Variants in WWOX observed in about 807,000 individuals in gnomAD.
WWOX encodes the protein WW domain-containing oxidoreductase.
WWOX carries 69 observed loss-of-function variants against 46.2 expected under a neutral mutation model. The observed-to-expected ratio is 1.49, with a 90% confidence interval of 1.23 to 1.82. WWOX has a LOEUF of 1.82. WWOX is among the 40% of genes most tolerant of loss of function. The pLI, the probability that WWOX is intolerant of heterozygous loss-of-function variation, is 0.00. For synonymous variants in WWOX, 359 were observed against 202.6 expected, an observed-to-expected ratio of 1.77 and a Z score of -6.56; for missense variants, 919 against 542.6, an observed-to-expected ratio of 1.69 and a Z score of -6.89.
intron 8 of WWOX, among the ~76,000 whole-genome samples, chr16:79,147,964 C>G (rs1321365134): frequency 1.3e-5 from 2 of 151,820 alleles, no homozygotes; most frequent in South Asian, 2.1e-4. Flanking sequence ...TTTATATATT[C>G]TAGTTATTGG....
intron 8 of WWOX, among the ~76,000 whole-genome samples, chr16:78,661,665 T>G (rs1262800335): frequency 6.6e-6 from 1 of 150,654 alleles, no homozygotes; most frequent in Non-Finnish European, 1.5e-5. Flanking sequence ...GGGTGGGGGC[T>G]CTGTGCATGG....
At chr16:78,431,130 G>T (rs368373027) in intron 7 of WWOX, among the ~76,000 whole-genome samples, 89 of 152,146 alleles carry the variant, frequency 5.8e-4, no homozygotes, top group African/African-American at 2.1e-3. Context: ...CTATAATGTT[G>T]TTATTTAAGA....
At chr16:78,391,584 A>T (rs893921541) in intron 6 of WWOX, among the ~76,000 whole-genome samples, 1 of 152,220 alleles carries the variant, frequency 6.6e-6, no homozygotes, top group Non-Finnish European at 1.5e-5. Flanking sequence ...ACGGTGGCTC[A>T]CACATGTAAT....
chr16:78,390,781 C>T (rs1488875049), intron 6 of WWOX, among the ~76,000 whole-genome samples: 1 of 152,106 alleles, frequency 6.6e-6, no homozygotes, highest in Non-Finnish European at 1.5e-5. Flanking sequence ...TTAAAATTTT[C>T]TTGTGTGTAA....
intron 8 of WWOX, among the ~76,000 whole-genome samples, chr16:78,963,488 A>G (rs996649142): frequency 4.6e-5 from 7 of 152,274 alleles, no homozygotes; most frequent in Admixed American, 3.3e-4. Context: ...ACAAATAAAC[A>G]AACAAAAAGC....
intron 8 of WWOX, among the ~76,000 whole-genome samples, chr16:78,491,243 C>G (rs12444091): frequency 6.6e-6 from 1 of 152,144 alleles, no homozygotes; most frequent in African/African-American, 2.4e-5. Flanking sequence ...CCCTCTCAGT[C>G]AGCTGCTACA....
At chr16:79,052,720 T>C (rs1418178659) in intron 8 of WWOX, among the ~76,000 whole-genome samples, 2 of 152,214 alleles carry the variant, frequency 1.3e-5, no homozygotes, top group Admixed American at 1.3e-4. Flanking sequence ...TCCGGTGTTC[T>C]CTCATGGCAA....
intron 8 of WWOX, among the ~76,000 whole-genome samples, chr16:78,660,869 A>G (rs1416123895): frequency 1.3e-5 from 2 of 152,154 alleles, no homozygotes; most frequent in East Asian, 1.9e-4. Context: ...TACTTTTTCC[A>G]TTTAATAGTA....
chr16:78,854,230 G>A (rs1206037070), intron 8 of WWOX, among the ~76,000 whole-genome samples: 1 of 152,110 alleles, frequency 6.6e-6, no homozygotes, highest in African/African-American at 2.4e-5. Flanking sequence ...TAATGAGCTT[G>A]TATTATAATA....
chr16:78,293,090 T>A (rs2151861690), intron 5 of WWOX, among the ~76,000 whole-genome samples: 1 of 152,304 alleles, frequency 6.6e-6, no homozygotes, highest in South Asian at 2.1e-4. Flanking sequence ...TTCGCCTCTC[T>A]ACTTAGATCA....
At chr16:78,310,433 A>G (rs569306615) in intron 5 of WWOX, among the ~76,000 whole-genome samples, 71 of 152,202 alleles carry the variant, frequency 4.7e-4, no homozygotes, top group Non-Finnish European at 8.7e-4. Context: ...ACTCCTTGGG[A>G]AGCTAATTTG....
chr16:78,145,727 C>G (rs1597264254), intron 4 of WWOX, among the ~76,000 whole-genome samples: 1 of 152,166 alleles, frequency 6.6e-6, no homozygotes, highest in African/African-American at 2.4e-5. Context: ...TCTTCGTGTT[C>G]ACATAGTCTC....
chr16:79,111,365 C>G (rs1184224519), intron 8 of WWOX, among the ~76,000 whole-genome samples: 1 of 152,198 alleles, frequency 6.6e-6, no homozygotes, highest in Non-Finnish European at 1.5e-5. Flanking sequence ...GTTCACAGGA[C>G]TTCTGGCTTT....
intron 8 of WWOX, among the ~76,000 whole-genome samples, chr16:78,544,869 T>C (rs1390614285): frequency 1.3e-5 from 2 of 151,604 alleles, no homozygotes; most frequent in Non-Finnish European, 2.9e-5. Flanking sequence ...AGTGAGACTA[T>C]CTCAAAAAAG....
intron 8 of WWOX, among the ~76,000 whole-genome samples, chr16:79,099,029 C>G (rs1175992699): frequency 6.6e-6 from 1 of 151,850 alleles, no homozygotes; most frequent in East Asian, 1.9e-4. Flanking sequence ...TGCTTTCACT[C>G]CTGGCAGAAG....
intron 8 of WWOX, among the ~76,000 whole-genome samples, chr16:78,990,621 G>A (rs1019859744): frequency 2.6e-5 from 4 of 152,226 alleles, no homozygotes; most frequent in South Asian, 4.2e-4. Flanking sequence ...GAGCGAACAG[G>A]CCAGAATGTG....
chr16:78,980,735 C>G (rs570571154), intron 8 of WWOX, among the ~76,000 whole-genome samples: 3 of 152,282 alleles, frequency 2.0e-5, no homozygotes, highest in Non-Finnish European at 4.4e-5. Context: ...CCCAAGGAGA[C>G]TTTAGCTACT....
intron 8 of WWOX, chr16:79,004,395 T>C (rs994331749): frequency 3.9e-5 from 6 of 152,248 alleles, no homozygotes; most frequent in African/African-American, 1.4e-4. Context: ...TCATTTTCCA[T>C]TGGCCCTGGA....
At chr16:78,343,669 G>A (rs752094495) in intron 5 of WWOX, among the ~76,000 whole-genome samples, 1 of 121,142 alleles carries the variant, frequency 8.3e-6, no homozygotes, top group Non-Finnish European at 2.0e-5. Context: ...TAGCACATGT[G>A]CTAGATAGCA....
Sources: gnomAD v4.1 joint callset for allele counts (sites outside exome capture counted in the v4.1 genomes callset) on GRCh38, gnomAD v4.1.1 for gene constraint, MANE v1.5 for transcripts, NCBI Gene and HGNC (gene_info 2026-07-23, HGNC 2026-07-21) for gene names.